LIPI: variants seen among roughly 807,000 people sequenced by gnomAD.
LIPI encodes the protein lipase member I.
A neutral mutation model predicts 50.6 loss-of-function variants in LIPI; 59 were observed. That is an observed-to-expected ratio of 1.16 (90% CI 0.94 to 1.45). LIPI has a LOEUF of 1.45. LIPI is among the 40% of genes most tolerant of loss of function. LIPI has a pLI of 0.00. For missense variants in LIPI, 586 were observed against 536.3 expected (o/e 1.09, Z -0.92); for synonymous variants, 203 against 178.2 (o/e 1.14, Z -1.11).
At chr21:14,199,869 C>G (rs1246658948) in intron 1 of LIPI, among the ~76,000 whole-genome samples, 6 of 151,992 alleles carry the variant, frequency 3.9e-5, no homozygotes, top group Non-Finnish European at 8.8e-5. Context: ...TACTGGAAAA[C>G]TGAATCCAGT....
At chr21:14,203,090 T>C (rs1292115785) in intron 1 of LIPI, among the ~76,000 whole-genome samples, 6 of 152,166 alleles carry the variant, frequency 3.9e-5, no homozygotes, top group Admixed American at 2.6e-4. Context: ...AAAATGCTCG[T>C]CATCACTGGC....
chr21:14,122,607 G>T (rs1478495934), intron 9 of LIPI, among the ~76,000 whole-genome samples: 3 of 152,160 alleles, frequency 2.0e-5, no homozygotes, highest in Non-Finnish European at 4.4e-5. Context: ...AGAACCAGAA[G>T]AAGAATGTCC....
chr21:14,143,152 G>A (rs1393821350), intron 9 of LIPI, among the ~76,000 whole-genome samples: 2 of 152,104 alleles, frequency 1.3e-5, no homozygotes, highest in Admixed American at 6.6e-5. Flanking sequence ...AGAGAGTGAT[G>A]AGAAGCAAAA....
chr21:14,181,971 T>C (rs1239070232), intron 3 of LIPI, 112 bp from the exon 4 acceptor site: 1 of 698,326 alleles, frequency 1.4e-6, no homozygotes, highest in African/African-American at 1.8e-5. Context: ...ACTTTTAGTT[T>C]AAACCTATCC....
At chr21:14,115,401 AG>A (rs1234886076) in intron 9 of LIPI, among the ~76,000 whole-genome samples, 2 of 151,702 alleles carry the variant, frequency 1.3e-5, no homozygotes, top group Non-Finnish European at 2.9e-5. Context: ...ACAGCTTAAA[AG>A]GTGGCTGCTT....
At chr21:14,166,193 T>C (rs2018676730) in intron 5 of LIPI, among the ~76,000 whole-genome samples, 169 bp downstream of exon 5, 1 of 152,212 alleles carries the variant, frequency 6.6e-6, no homozygotes, top group Admixed American at 6.5e-5. Context: ...GTAACCTTTA[T>C]GAACTAAGCA....
At chr21:14,152,541 T>C (rs760104240) in intron 8 of LIPI, 32 bp downstream of exon 8, 15 of 1,037,570 alleles carry the variant, frequency 1.4e-5, no homozygotes, top group Non-Finnish European at 2.1e-5. Context: ...ACATTGAATA[T>C]ATGAGAGAAG....
intron 4 of LIPI, among the ~76,000 whole-genome samples, chr21:14,174,540 GTTTATTTTAT>G (rs34581945): frequency 2.0e-5 from 3 of 150,614 alleles, no homozygotes; most frequent in East Asian, 3.9e-4. Context: ...ATCATCTGTT[GTTTATTTTAT>G]TTTATTTTAT....
At chr21:14,155,296 A>T (rs9984592) in intron 7 of LIPI, among the ~76,000 whole-genome samples, 1 of 151,890 alleles carries the variant, frequency 6.6e-6, no homozygotes, top group African/African-American at 2.4e-5. Flanking sequence ...ATGACAGAGA[A>T]AAAAAGATGG....
At chr21:14,154,639 G>C (rs1048416567) in intron 7 of LIPI, among the ~76,000 whole-genome samples, 1 of 151,966 alleles carries the variant, frequency 6.6e-6, no homozygotes, top group East Asian at 1.9e-4. Flanking sequence ...AAGATTCTAA[G>C]GCTCTCTGAG....
At chr21:14,207,842 C>T (rs538250100) in intron 1 of LIPI, among the ~76,000 whole-genome samples, 5 of 152,298 alleles carry the variant, frequency 3.3e-5, no homozygotes, top group African/African-American at 9.6e-5. Flanking sequence ...TTGCTTTCTA[C>T]GTGACCAAAT....
chr21:14,164,798 A>T (rs1243848208), intron 6 of LIPI, among the ~76,000 whole-genome samples: 7 of 152,176 alleles, frequency 4.6e-5, no homozygotes, highest in Admixed American at 1.3e-4. Context: ...CTACTTGGTG[A>T]TAGCAAATGA....
At chr21:14,146,721 T>C (rs1174066433) in intron 8 of LIPI, among the ~76,000 whole-genome samples, 5 of 151,190 alleles carry the variant, frequency 3.3e-5, no homozygotes, top group Non-Finnish European at 7.4e-5. Context: ...TTCTATAATA[T>C]ATCTAAGTGT....
chr21:14,122,655 C>T (rs1260949768), intron 9 of LIPI, among the ~76,000 whole-genome samples: 1 of 152,106 alleles, frequency 6.6e-6, no homozygotes, highest in Non-Finnish European at 1.5e-5. Flanking sequence ...TGAATTCAGC[C>T]AACACCTATA....
At position 14,189,056 on chromosome 21, in the gene LIPI, C is replaced by T. The variant is rs1207672103; in HGVS notation, c.410G>A (p.Ser137Asn). Residue 137 changes from serine (S) to asparagine (N), a missense_variant, in exon 2 of 10, where the codon AGT becomes AAT. By Grantham distance (46) the Ser-to-Asn change is conservative. Transcript: ENST00000681601. ...TACCAAAAGATTTTTAATGTGCACA[C>T]TCAAACTCACAGCAACTTTTCTGGT... is the stretch of plus-strand genomic sequence containing the variant. ...KNTRKVAVSL[S>N]VHIKNLLKHG... 1 of 1,606,952 alleles carries T rather than the reference C, an allele frequency of 6.2e-7. No individual in the cohort carries two copies. The highest frequency in any genetic ancestry group is 8.5e-7 in the Non-Finnish European group (1 of 1,179,856).
chr21:14,190,248 T>C (rs1877762807), intron 1 of LIPI, among the ~76,000 whole-genome samples: 1 of 152,162 alleles, frequency 6.6e-6, no homozygotes, highest in South Asian at 2.1e-4. Context: ...GCAATAGTCA[T>C]TGCTAGACAA....
chr21:14,133,071 C>T (rs1289305845), intron 9 of LIPI, among the ~76,000 whole-genome samples: 1 of 152,092 alleles, frequency 6.6e-6, no homozygotes, highest in Non-Finnish European at 1.5e-5. Flanking sequence ...CCAAATTCTA[C>T]CAAACACACA....
rs9980383 is a variant in LIPI at position 14,187,053 on chromosome 21, C to T, written c.433-984G>A. Among the ~76,000 whole-genome samples, 323 of 152,216 alleles carry T rather than the reference C, an allele frequency of 2.1e-3. 2 individuals carry two copies. Among genetic ancestry groups the T allele is most frequent in the African/African-American group, 7.2e-3 (301 of 41,544 alleles). ...TATCTGATCAGGTTGTGTCAAAAAC[C>T]TTAGGAAGATTCACAAAAGTTCAAT... On this transcript the variant is annotated intron_variant, in intron 2 of 9. Transcript: ENST00000681601.
In LIPI at chr21:14,210,853, C is replaced by G; in HGVS notation, c.-8G>C. On this transcript the variant is annotated 5_prime_UTR_variant, in exon 1 of 10. Transcript: ENST00000681601. The stretch of plus-strand genomic sequence containing the variant: ...AAAAATGTATACTCTCATTTGGAAT[C>G]TGAGAAAAGCAAAAACAGCACTCAA... The G allele has an allele frequency of 1.6e-6, 2 of 1,231,102 alleles. No individual in the cohort carries two copies. The highest frequency in any genetic ancestry group is 2.1e-6 in the Non-Finnish European group (2 of 959,176). The allele number at this position is 1,231,102 out of a possible 1,614,324, so 76.3% of individuals were successfully genotyped here.
Sources: allele counts gnomAD v4.1 joint callset (sites outside exome capture counted in the v4.1 genomes callset), GRCh38; gene constraint gnomAD v4.1.1; transcripts MANE v1.5; gene names NCBI Gene and HGNC (gene_info 2026-07-23, HGNC 2026-07-21).